Variants in CCZ1B observed in about 807,000 individuals in gnomAD.
CCZ1B encodes CCZ1B vacuolar protein trafficking and biogenesis associated.
Under a neutral mutation model 58.8 loss-of-function variants are expected in CCZ1B, and 25 were observed. The ratio of observed to expected loss-of-function variants is 0.43; its 90% CI spans 0.31 to 0.59. The LOEUF (loss-of-function observed/expected upper bound fraction) is 0.59, where lower values mean the gene tolerates loss of function less well. Among genes scored for constraint, CCZ1B ranks in the 20% least tolerant of loss-of-function variants. The pLI is 0.12. For missense variants in CCZ1B, 180 were observed against 501.5 expected, an observed-to-expected ratio of 0.36 and a Z score of 6.12; for synonymous variants, 66 against 173.2, an observed-to-expected ratio of 0.38 and a Z score of 4.86.
chr7:6,822,544 G>C, intron 5 of CCZ1B, 180 bp from the exon 6 acceptor site: 3 of 1,185,648 alleles, frequency 2.5e-6, no homozygotes, highest in Non-Finnish European at 3.4e-6. Context: ...AAAAAATACT[G>C]TTAAGTGATG....
chr7:6,824,853 C>G (rs1783169703), intron 1 of CCZ1B, 116 bp from the exon 2 acceptor site: 1 of 1,363,446 alleles, frequency 7.3e-7, no homozygotes, highest in South Asian at 1.5e-5. Flanking sequence ...CAAAATAAAA[C>G]AAAAACCGGT....
rs192422342 is a variant in CCZ1B at position 6,821,066 on chromosome 7, C to T, written c.523-1125G>A. Among the ~76,000 whole-genome samples the T allele has an allele frequency of 2.7e-4, 39 of 146,756 alleles. 2 individuals carry two copies. Among genetic ancestry groups the T allele is most frequent in the South Asian group, 1.1e-3 (5 of 4,550 alleles). ...GTCTGTCACCCAGGCTGGAGTGCAGCGGTGCGATCTCGGCTCACTGCAACC... is the reference window on the plus strand; with the variant it reads ...GTCTGTCACCCAGGCTGGAGTGCAGTGGTGCGATCTCGGCTCACTGCAACC... On this transcript the variant is annotated intron_variant, in intron 6 of 14. Coordinates refer to ENST00000316731, the MANE Select transcript of CCZ1B (RefSeq NM_198097.5).
At chr7:6,823,267 G>C (rs1783140320) in intron 5 of CCZ1B, 46 bp downstream of exon 5, 1 of 1,601,550 alleles carries the variant, frequency 6.2e-7, no homozygotes, top group East Asian at 2.2e-5. Flanking sequence ...CCTAGAGATA[G>C]GGGTAAGTGG....
intron 1 of CCZ1B, among the ~76,000 whole-genome samples, chr7:6,825,284 C>T: frequency 6.8e-6 from 1 of 146,678 alleles, no homozygotes; most frequent in East Asian, 1.9e-4. Flanking sequence ...GCTGCCCAGG[C>T]TGTAGTGCAG....
chr7:6,804,180 T>G (rs557705484), intron 12 of CCZ1B, among the ~76,000 whole-genome samples: 22 of 145,412 alleles, frequency 1.5e-4, no homozygotes, highest in Non-Finnish European at 2.9e-4. Flanking sequence ...ATCCCAGCAC[T>G]TTGGGAGGCT....
intron 7 of CCZ1B, among the ~76,000 whole-genome samples, chr7:6,815,157 A>C (rs1373589766): frequency 7.0e-6 from 1 of 143,394 alleles, no homozygotes; most frequent in Non-Finnish European, 1.5e-5. Context: ...TTTTATTAAA[A>C]AAAAATTTTT....
intron 7 of CCZ1B, among the ~76,000 whole-genome samples, chr7:6,816,304 A>G (rs1199992026): frequency 6.7e-6 from 1 of 149,260 alleles, no homozygotes; most frequent in African/African-American, 2.5e-5. Flanking sequence ...ACATGGCAAA[A>G]CACCGTCTCT....
In CCZ1B at chr7:6,799,188, T is replaced by A. The variant is rs1388138646; in HGVS notation, c.*36A>T. 1.5e-6 allele frequency: 1 copy of A among 679,684 alleles called. No homozygotes were observed. The highest frequency in any genetic ancestry group is 3.4e-5 in the African/African-American group (1 of 29,670). 42.1% of individuals were successfully genotyped at this position (679,684 alleles called of 1,614,324 possible). A position where few individuals can be genotyped will look rare whatever the true frequency, so the allele number is the denominator to read the frequency against. ...TGCATGTGACCAAATGTTTGCAGAG[T>A]GTTTTTTAGATATGCTCTCGGTGAG... is the stretch of plus-strand genomic sequence containing the variant. On this transcript the variant is annotated 3_prime_UTR_variant, in exon 15 of 15. Coordinates refer to ENST00000316731, the MANE Select transcript of CCZ1B (RefSeq NM_198097.5).
intron 4 of CCZ1B, 75 bp from the exon 5 acceptor site, chr7:6,823,435 CA>C (rs1783144078): frequency 6.3e-7 from 1 of 1,579,152 alleles, no homozygotes; most frequent in Admixed American, 1.7e-5. Context: ...GGCAAAGGTA[CA>C]CTGACTCTTG....
rs1198977688 is a variant in CCZ1B, at chr7:6,820,706, G to C, written c.523-765C>G. On this transcript the variant is annotated intron_variant, in intron 6 of 14. Transcript: ENST00000316731. ...GGAGGCCAAGGCGGGCACATCACTT[G>C]AGGTCAGGAGTTTGAGACCAGCCTC... is the stretch of plus-strand genomic sequence containing the variant. 4.7e-5 allele frequency among the ~76,000 whole-genome samples: 7 copies of C among 148,708 alleles called. 1 individual carries two copies. The highest frequency in any genetic ancestry group is 1.8e-4 in the African/African-American group (7 of 39,522).
At position 6,814,408 on chromosome 7, in the gene CCZ1B, C is replaced by T. The variant is rs1352352261; in HGVS notation, c.780+356G>A. ...AAAATTAGCTGGGCGTGGTGGCGGG[C>T]GCCTGTAATCCCAGGTACTAGGGAG... On this transcript the variant is annotated intron_variant, in intron 8 of 14. Transcript: ENST00000316731. 6.0e-5 allele frequency among the ~76,000 whole-genome samples: 9 copies of T among 149,286 alleles called. 2 individuals carry two copies. Among genetic ancestry groups the T allele is most frequent in the African/African-American group, 2.3e-4 (9 of 39,452 alleles).
intron 9 of CCZ1B, 89 bp from the exon 10 acceptor site, chr7:6,812,152 A>G: frequency 8.8e-7 from 1 of 1,136,868 alleles, no homozygotes; most frequent in Non-Finnish European, 1.3e-6. Flanking sequence ...CTTCATACAC[A>G]CCAGTTGCTT....
chr7:6,804,298 C>A (rs1782804937), intron 12 of CCZ1B, among the ~76,000 whole-genome samples: 1 of 122,730 alleles, frequency 8.1e-6, no homozygotes, highest in African/African-American at 3.1e-5. Context: ...TGGTGCACGC[C>A]TGTAATCCCA....
At chr7:6,803,858 A>C (rs1460195527) in intron 12 of CCZ1B, among the ~76,000 whole-genome samples, 4 of 150,586 alleles carry the variant, frequency 2.7e-5, no homozygotes, top group African/African-American at 7.3e-5. Flanking sequence ...CTGAGGCAGG[A>C]GAATCGCTTG....
chr7:6,823,489 G>C, intron 4 of CCZ1B, 129 bp from the exon 5 acceptor site: 1 of 1,312,448 alleles, frequency 7.6e-7, no homozygotes, highest in Non-Finnish European at 1.0e-6. Flanking sequence ...CACAATAGTT[G>C]CGTGCTGAAA....
chr7:6,815,653 C>T lies in CCZ1B; in HGVS notation c.699-808G>A, dbSNP rs376968932. Among the ~76,000 whole-genome samples the T allele has an allele frequency of 6.1e-5, 9 of 148,728 alleles. 1 individual carries two copies. The highest frequency in any genetic ancestry group is 4.2e-4 in the South Asian group (2 of 4,724). The stretch of plus-strand genomic sequence containing the variant: ...TATCAAGAGGCTCACCACCTGACCG[C>T]GAAGTTAAGGAAGGTAAAGAGTTAA... On this transcript the variant is annotated intron_variant, in intron 7 of 14. Coordinates refer to ENST00000316731, the MANE Select transcript of CCZ1B (RefSeq NM_198097.5).
intron 7 of CCZ1B, among the ~76,000 whole-genome samples, chr7:6,818,695 C>CAAGA (rs1191794870): frequency 3.4e-5 from 2 of 59,484 alleles, no homozygotes; most frequent in East Asian, 1.7e-3. Context: ...GAAAGAAAGA[C>CAAGA]AAGAAAGAAA....
intron 6 of CCZ1B, among the ~76,000 whole-genome samples, chr7:6,820,163 G>A (rs937723543): frequency 6.7e-6 from 1 of 149,312 alleles, no homozygotes; most frequent in African/African-American, 2.5e-5. Context: ...TGTTTATTCA[G>A]TATTGTGTTT....
intron 10 of CCZ1B, among the ~76,000 whole-genome samples, chr7:6,809,614 C>A (rs1465291715): frequency 5.4e-5 from 7 of 128,806 alleles, no homozygotes; most frequent in Non-Finnish European, 7.9e-5. Context: ...CTGAATTACA[C>A]CTCCAACATT....
Sources: gnomAD v4.1 joint callset for allele counts (sites outside exome capture counted in the v4.1 genomes callset) on GRCh38, gnomAD v4.1.1 for gene constraint, MANE v1.5 for transcripts, NCBI Gene and HGNC (gene_info 2026-07-23, HGNC 2026-07-21) for gene names.